KCNN2: variants seen among roughly 807,000 people sequenced by gnomAD.
KCNN2 encodes potassium calcium-activated channel subfamily N member 2, also known as small conductance calcium-activated potassium channel protein 2.
A neutral mutation model predicts 55.5 loss-of-function variants in KCNN2; 24 were observed. The observed-to-expected ratio is 0.43, with a 90% CI of 0.31 to 0.61. KCNN2 has a LOEUF of 0.61. Ranked by LOEUF, KCNN2 falls within the 20% of genes least tolerant of loss-of-function variation. The pLI is 0.08. For missense variants in KCNN2, 754 were observed against 853.6 expected, an observed-to-expected ratio of 0.88 and a Z score of 1.45; for synonymous variants, 431 against 336.1, an observed-to-expected ratio of 1.28 and a Z score of -3.09.
chr5:114,457,956 G>T (rs570978733), intron 3 of KCNN2, among the ~76,000 whole-genome samples: 1 of 152,324 alleles, frequency 6.6e-6, no homozygotes, highest in South Asian at 2.1e-4. Context: ...TTTCAGGAGA[G>T]AGTATAAATC....
chr5:114,223,574 G>T (rs1177520577), intron 2 of KCNN2, among the ~76,000 whole-genome samples: 2 of 152,146 alleles, frequency 1.3e-5, no homozygotes, highest in East Asian at 3.9e-4. Context: ...ATTTTTCAGA[G>T]TCCAGTTAGG....
chr5:114,484,418 C>A (rs2150135138), intron 5 of KCNN2, among the ~76,000 whole-genome samples: 1 of 152,296 alleles, frequency 6.6e-6, no homozygotes, highest in African/African-American at 2.4e-5. Flanking sequence ...TTCATTACTA[C>A]ACAATGTATT....
At chr5:114,386,075 G>C (rs370298903) in intron 2 of KCNN2, among the ~76,000 whole-genome samples, 1 of 151,726 alleles carries the variant, frequency 6.6e-6, no homozygotes, top group Admixed American at 6.6e-5. Context: ...CCAGCTACTC[G>C]GGAGGCTGAG....
chr5:114,193,682 T>G (rs1167671590), intron 1 of KCNN2, among the ~76,000 whole-genome samples: 1 of 152,156 alleles, frequency 6.6e-6, no homozygotes, highest in Admixed American at 6.6e-5. Context: ...CTATTAAAGT[T>G]TGCACACATC....
At chr5:114,239,402 T>C (rs1312476625) in intron 2 of KCNN2, among the ~76,000 whole-genome samples, 2 of 152,118 alleles carry the variant, frequency 1.3e-5, no homozygotes, top group Admixed American at 1.3e-4. Flanking sequence ...GAAATATATT[T>C]AGGAGCTAAA....
At chr5:114,342,935 G>T (rs10079377) in intron 2 of KCNN2, among the ~76,000 whole-genome samples, 1 of 152,032 alleles carries the variant, frequency 6.6e-6, no homozygotes, top group Non-Finnish European at 1.5e-5. Context: ...GTGGTTTGCC[G>T]TACAGATCAC....
chr5:114,427,995 T>C (rs970549354), intron 3 of KCNN2, among the ~76,000 whole-genome samples: 3 of 152,184 alleles, frequency 2.0e-5, no homozygotes, highest in Non-Finnish European at 4.4e-5. Context: ...AAGGGCGTTA[T>C]ATGTATGAGA....
At chr5:114,415,689 C>T (rs2150077421) in intron 3 of KCNN2, among the ~76,000 whole-genome samples, 1 of 152,280 alleles carries the variant, frequency 6.6e-6, no homozygotes, top group East Asian at 1.9e-4. Flanking sequence ...TGTGTATCTT[C>T]TTTGGCAAAA....
At chr5:114,421,416 G>A (rs1193579859) in intron 3 of KCNN2, among the ~76,000 whole-genome samples, 3 of 151,966 alleles carry the variant, frequency 2.0e-5, no homozygotes, top group South Asian at 2.1e-4. Context: ...TCAGCCTCCC[G>A]AGTAGCTGGG....
At chr5:114,315,153 A>G (rs1480411292) in intron 2 of KCNN2, among the ~76,000 whole-genome samples, 1 of 152,072 alleles carries the variant, frequency 6.6e-6, no homozygotes, top group Admixed American at 6.5e-5. Context: ...AGACTTGAGC[A>G]CCTTCCATTC....
chr5:114,465,235 C>A (rs1193267821), intron 4 of KCNN2, among the ~76,000 whole-genome samples: 1 of 152,174 alleles, frequency 6.6e-6, no homozygotes, highest in Non-Finnish European at 1.5e-5. Context: ...CCTTCAAAGT[C>A]TCATCAGATA....
chr5:114,267,655 T>A (rs1755237081), intron 2 of KCNN2, among the ~76,000 whole-genome samples: 1 of 152,158 alleles, frequency 6.6e-6, no homozygotes, highest in Non-Finnish European at 1.5e-5. Context: ...TCTGTTTTAT[T>A]TTTGAGTCCC....
intron 1 of KCNN2, chr5:114,056,611 C>G (rs1580470746): frequency 5.1e-6 from 2 of 393,476 alleles, no homozygotes; most frequent in East Asian, 7.2e-5. Context: ...CTCCTCCCCT[C>G]CCTCTTGCTT....
chr5:114,068,075 TG>T (rs1435161785), intron 1 of KCNN2, among the ~76,000 whole-genome samples: 1 of 152,240 alleles, frequency 6.6e-6, no homozygotes, highest in Non-Finnish European at 1.5e-5. Flanking sequence ...GCAGAAGTCA[TG>T]GTTGATGATT....
At chr5:114,215,071 A>G (rs1230529219) in intron 1 of KCNN2, among the ~76,000 whole-genome samples, 1 of 152,108 alleles carries the variant, frequency 6.6e-6, no homozygotes, top group Non-Finnish European at 1.5e-5. Flanking sequence ...TGATTTGGTG[A>G]CAAGAATGTT....
intron 3 of KCNN2, among the ~76,000 whole-genome samples, chr5:114,439,093 C>A (rs1760118432): frequency 6.6e-6 from 1 of 152,140 alleles, no homozygotes; most frequent in South Asian, 2.1e-4. Context: ...AAATGATAGA[C>A]TTGATATTCT....
chr5:114,083,671 A>G (rs1254147466), intron 1 of KCNN2, among the ~76,000 whole-genome samples: 1 of 152,124 alleles, frequency 6.6e-6, no homozygotes, highest in African/African-American at 2.4e-5. Context: ...ACAATTTATG[A>G]ACCAGTATTG....
intron 2 of KCNN2, among the ~76,000 whole-genome samples, chr5:114,396,999 G>A (rs1411461777): frequency 6.6e-6 from 1 of 151,986 alleles, no homozygotes; most frequent in African/African-American, 2.4e-5. Context: ...TCCTGCATTG[G>A]TTCACTTAGG....
At chr5:114,446,633 A>AT (rs942004900) in intron 3 of KCNN2, among the ~76,000 whole-genome samples, 3 of 151,788 alleles carry the variant, frequency 2.0e-5, no homozygotes, top group South Asian at 2.1e-4. Context: ...AATTTTTGTA[A>AT]TTTTTTTGGT....
Sources: gnomAD v4.1 joint callset for allele counts (sites outside exome capture counted in the v4.1 genomes callset) on GRCh38, gnomAD v4.1.1 for gene constraint, MANE v1.5 for transcripts, NCBI Gene and HGNC (gene_info 2026-07-23, HGNC 2026-07-21) for gene names.